The following ZNF385D variants were observed in gnomAD, a reference collection of about 807,000 sequenced individuals.
ZNF385D encodes the protein zinc finger protein 659.
In ZNF385D, 15 loss-of-function variants were observed where a neutral mutation model predicts 35.8. That is an observed-to-expected ratio of 0.42 (90% CI 0.28 to 0.64). The LOEUF (loss-of-function observed/expected upper bound fraction) is 0.64. Ranked by LOEUF, ZNF385D falls within the 30% of genes least tolerant of loss-of-function variation. The probability of loss-of-function intolerance (pLI) is 0.23; values close to 1 mark genes in which losing one functional copy is unlikely to be tolerated. For synonymous variants in ZNF385D, 212 were observed against 186.8 expected, an observed-to-expected ratio of 1.13 and a Z score of -1.10; for missense variants, 474 against 494.6, an observed-to-expected ratio of 0.96 and a Z score of 0.39.
intron 1 of ZNF385D, among the ~76,000 whole-genome samples, chr3:21,697,844 A>G (rs951692332): frequency 1.2e-4 from 18 of 152,204 alleles, no homozygotes; most frequent in African/African-American, 4.3e-4. Context: ...AACATATGAA[A>G]AAATGCTCAA....
At chr3:22,331,892 A>C (rs932368395) in intron 2 of ZNF385D, among the ~76,000 whole-genome samples, 1 of 152,210 alleles carries the variant, frequency 6.6e-6, no homozygotes, top group Admixed American at 6.5e-5. Flanking sequence ...ACTTTCAAAA[A>C]ATATGTATGT....
At chr3:22,092,283 T>C (rs1326044282) in intron 3 of ZNF385D, among the ~76,000 whole-genome samples, 1 of 152,178 alleles carries the variant, frequency 6.6e-6, no homozygotes, top group African/African-American at 2.4e-5. Flanking sequence ...AATTGAAGGA[T>C]GAATGGGTTT....
chr3:21,479,611 T>G (rs1704476336), intron 4 of ZNF385D, among the ~76,000 whole-genome samples: 1 of 152,150 alleles, frequency 6.6e-6, no homozygotes, highest in African/African-American at 2.4e-5. Context: ...ACTTCCAATC[T>G]CCTATCAGTG....
intron 3 of ZNF385D, among the ~76,000 whole-genome samples, chr3:21,868,715 T>C (rs1034650953): frequency 1.3e-5 from 2 of 152,158 alleles, no homozygotes; most frequent in Non-Finnish European, 2.9e-5. Context: ...AGTTCACATA[T>C]GTAAATTAGA....
intron 3 of ZNF385D, among the ~76,000 whole-genome samples, chr3:21,556,068 G>GTTTTTTTTTTTTTTTTTTTTTTTTT (rs148079775): frequency 2.0e-5 from 2 of 99,022 alleles, no homozygotes; most frequent in Admixed American, 1.1e-4. Context: ...TTTTGTTTTT[G>GTTTTTTTTTTTTTTTTTTTTTTTTT]TTTTTTTTTT....
At chr3:21,555,222 T>G (rs1010610042) in intron 3 of ZNF385D, among the ~76,000 whole-genome samples, 1 of 152,102 alleles carries the variant, frequency 6.6e-6, no homozygotes, top group African/African-American at 2.4e-5. Context: ...GTAGTTTTTT[T>G]TTTTTTTTTA....
intron 4 of ZNF385D, among the ~76,000 whole-genome samples, chr3:21,502,865 G>A (rs1706490651): frequency 6.6e-6 from 1 of 152,134 alleles, no homozygotes; most frequent in African/African-American, 2.4e-5. Flanking sequence ...AGCACTCCAG[G>A]CACAAATGGT....
chr3:21,866,884 A>G (rs969807355), intron 3 of ZNF385D, among the ~76,000 whole-genome samples: 4 of 152,186 alleles, frequency 2.6e-5, no homozygotes, highest in Non-Finnish European at 5.9e-5. Flanking sequence ...AGATAGGTCC[A>G]AAAATTTCTT....
At chr3:21,664,826 C>G in intron 2 of ZNF385D, 60 bp downstream of exon 2, 1 of 1,610,176 alleles carries the variant, frequency 6.2e-7, no homozygotes, top group East Asian at 2.2e-5. Flanking sequence ...CAACCCTGGC[C>G]TTTAAGTTAG....
chr3:22,026,290 G>C (rs1456125829), intron 3 of ZNF385D, among the ~76,000 whole-genome samples: 1 of 152,086 alleles, frequency 6.6e-6, no homozygotes, highest in African/African-American at 2.4e-5. Flanking sequence ...TTGAATGAAG[G>C]GGAGGCCAGA....
At chr3:22,221,596 T>G (rs1385113850) in intron 2 of ZNF385D, among the ~76,000 whole-genome samples, 2 of 152,154 alleles carry the variant, frequency 1.3e-5, no homozygotes, top group Non-Finnish European at 2.9e-5. Context: ...TCTCATCACT[T>G]CAGGGTTTTA....
At position 21,931,956 on chromosome 3, in the gene ZNF385D, T is replaced by C. The variant is rs1701029288; in HGVS notation, c.325+236861A>G. ...GTAGGCAGATCACGAGGTCATGAGA[T>C]CAAGATCGAGACCATCCTGGCTAAC... On this transcript the variant is annotated intron_variant, in intron 3 of 5. Transcript: ENST00000494108. 4.0e-5 allele frequency among the ~76,000 whole-genome samples: 6 copies of C among 151,368 alleles called. No homozygotes were observed. In the South Asian group the frequency reaches 1.3e-3, roughly 32 times the overall value.
At chr3:21,434,149 G>A (rs193187773) in intron 5 of ZNF385D, among the ~76,000 whole-genome samples, 2 of 152,228 alleles carry the variant, frequency 1.3e-5, no homozygotes, top group African/African-American at 2.4e-5. Context: ...ACAGTGAAAC[G>A]GAGTGCAGGC....
intron 3 of ZNF385D, among the ~76,000 whole-genome samples, chr3:21,899,713 C>G (rs560990558): frequency 2.6e-5 from 4 of 152,156 alleles, no homozygotes; most frequent in African/African-American, 9.6e-5. Flanking sequence ...ATATTTGGTG[C>G]CTTTATGTTT....
At chr3:22,186,053 G>T (rs1173271854) in intron 2 of ZNF385D, among the ~76,000 whole-genome samples, 1 of 151,896 alleles carries the variant, frequency 6.6e-6, no homozygotes, top group Non-Finnish European at 1.5e-5. Flanking sequence ...GGACTTTCCT[G>T]GACAAACACT....
chr3:21,871,624 T>C (rs1697694530), intron 3 of ZNF385D, among the ~76,000 whole-genome samples: 1 of 152,178 alleles, frequency 6.6e-6, no homozygotes, highest in Non-Finnish European at 1.5e-5. Flanking sequence ...ATTCTATCTA[T>C]GCCTCTTTGT....
chr3:21,721,034 T>C (rs1425904730), intron 1 of ZNF385D, among the ~76,000 whole-genome samples: 4 of 152,224 alleles, frequency 2.6e-5, no homozygotes, highest in South Asian at 2.1e-4. Context: ...AAAAAACATA[T>C]CCTTTCTTAT....
chr3:21,668,323 A>G (rs1227806123), intron 1 of ZNF385D, among the ~76,000 whole-genome samples: 1 of 152,144 alleles, frequency 6.6e-6, no homozygotes, highest in Non-Finnish European at 1.5e-5. Context: ...AAAGCAGGAA[A>G]ACTCTGAAGC....
chr3:22,210,585 G>C (rs906358859), intron 2 of ZNF385D, among the ~76,000 whole-genome samples: 10 of 151,806 alleles, frequency 6.6e-5, no homozygotes, highest in South Asian at 4.1e-4. Flanking sequence ...CAATCCATTG[G>C]ACTAAAAATG....
Sources: gnomAD v4.1 joint callset for allele counts (sites outside exome capture counted in the v4.1 genomes callset) on GRCh38, gnomAD v4.1.1 for gene constraint, MANE v1.5 for transcripts, NCBI Gene and HGNC (gene_info 2026-07-23, HGNC 2026-07-21) for gene names.